CDK19: variants seen among roughly 807,000 people sequenced by gnomAD.
CDK19 encodes cyclin-dependent kinase 19.
A neutral mutation model predicts 68.3 loss-of-function variants in CDK19; 20 were observed. The ratio of observed to expected loss-of-function variants is 0.29; its 90% CI spans 0.21 to 0.43. The LOEUF (loss-of-function observed/expected upper bound fraction) is 0.43, where lower values mean the gene tolerates loss of function less well. Ranked by LOEUF, CDK19 falls within the 20% of genes least tolerant of loss-of-function variation. The probability of loss-of-function intolerance (pLI) is 1.00; values close to 1 mark genes in which losing one functional copy is unlikely to be tolerated. For missense variants in CDK19, 339 were observed against 623.5 expected, an observed-to-expected ratio of 0.54 and a Z score of 4.86; for synonymous variants, 221 against 222.8, an observed-to-expected ratio of 0.99 and a Z score of 0.07.
intron 1 of CDK19, 71 bp downstream of exon 1, chr6:110,814,938 C>A (rs1356120387): frequency 6.3e-7 from 1 of 1,587,000 alleles, no homozygotes; most frequent in African/African-American, 1.4e-5. Context: ...GGGATCCGAC[C>A]CACCCATCCC....
At chr6:110,694,722 A>G (rs753831487) in intron 2 of CDK19, among the ~76,000 whole-genome samples, 4 of 152,226 alleles carry the variant, frequency 2.6e-5, no homozygotes, top group Non-Finnish European at 4.4e-5. Context: ...AGCACATGGA[A>G]CATTCTCCAA....
intron 4 of CDK19, among the ~76,000 whole-genome samples, chr6:110,644,692 C>T (rs530121334): frequency 1.9e-4 from 29 of 152,162 alleles, no homozygotes; most frequent in African/African-American, 7.0e-4. Context: ...CACTTCTTGC[C>T]CCCGACCATG....
At position 110,711,361 on chromosome 6, in the gene CDK19, T is replaced by A. The variant is rs573528826; in HGVS notation, c.204+34765A>T. ...TAAAGAAGAGCTTGGCTTGACAATA[T>A]CCTTAGTAAATGAAGACATTATTTG... On this transcript the variant is annotated intron_variant, in intron 2 of 12. Transcript: ENST00000368911. Among the ~76,000 whole-genome samples, 11 of 152,338 alleles carry A rather than the reference T, an allele frequency of 7.2e-5. No homozygotes were observed. In the South Asian group the frequency reaches 1.9e-3, roughly 26 times the overall value.
intron 1 of CDK19, among the ~76,000 whole-genome samples, chr6:110,786,605 A>T (rs1377756563): frequency 6.6e-6 from 1 of 151,956 alleles, no homozygotes; most frequent in Non-Finnish European, 1.5e-5. Context: ...TACCGCGTGT[A>T]ATGAGCCTTA....
chr6:110,733,025 G>A lies in CDK19; in HGVS notation c.204+13101C>T, dbSNP rs1383363209. ...GGAGGTTGCAGTGAGCTGAGATGGCGCCACTGCACTCCAGCCTGGGCAACA... is the reference window on the plus strand; with the variant it reads ...GGAGGTTGCAGTGAGCTGAGATGGCACCACTGCACTCCAGCCTGGGCAACA... On this transcript the variant is annotated intron_variant, in intron 2 of 12. Transcript: ENST00000368911. 3.9e-5 allele frequency among the ~76,000 whole-genome samples: 6 copies of A among 151,974 alleles called. No individual in the cohort carries two copies. In the East Asian group the frequency reaches 7.8e-4, roughly 20 times the overall value.
intron 1 of CDK19, among the ~76,000 whole-genome samples, chr6:110,777,078 G>A (rs993818711): frequency 3.9e-5 from 6 of 152,032 alleles, no homozygotes; most frequent in African/African-American, 1.2e-4. Context: ...CATACAAACC[G>A]GCATCTATCT....
chr6:110,796,376 G>A (rs1562295434), intron 1 of CDK19, among the ~76,000 whole-genome samples: 1 of 152,006 alleles, frequency 6.6e-6, no homozygotes, highest in Non-Finnish European at 1.5e-5. Flanking sequence ...ATACAGGCTG[G>A]GAGTGGTGGC....
At chr6:110,637,665 T>C (rs2114750145) in intron 5 of CDK19, among the ~76,000 whole-genome samples, 1 of 152,340 alleles carries the variant, frequency 6.6e-6, no homozygotes, top group East Asian at 1.9e-4. Flanking sequence ...CAACTTTCAA[T>C]AAATATAATT....
intron 2 of CDK19, among the ~76,000 whole-genome samples, chr6:110,677,686 G>A (rs1771647763): frequency 6.6e-6 from 1 of 151,906 alleles, no homozygotes; most frequent in Non-Finnish European, 1.5e-5. Flanking sequence ...TGTTAGAAAA[G>A]GTACCACCCT....
In CDK19 at chr6:110,798,719, GA is replaced by G. The variant is rs200978378; in HGVS notation, c.128+16289del. On this transcript the variant is annotated intron_variant, in intron 1 of 12. Coordinates refer to ENST00000368911, the MANE Select transcript of CDK19 (RefSeq NM_015076.5). The stretch of plus-strand genomic sequence containing the variant: ...ATGAAGCAATAGTTTTGAATGCTGA[GA>G]AAAAAAAAAATTCTTAATATTTAAG... Among the ~76,000 whole-genome samples the G allele has an allele frequency of 1.8e-3, 257 of 140,238 alleles. 1 individual carries two copies. The highest frequency in any genetic ancestry group is 5.2e-3 in the African/African-American group (200 of 38,188). 92.0% of individuals were successfully genotyped at this position (140,238 alleles called of 152,430 possible).
At position 110,614,215 on chromosome 6, in the gene CDK19, ATG is replaced by A. The variant is rs1778167277; in HGVS notation, c.*318_*319del. 4 of 219,740 alleles carry A rather than the reference ATG, an allele frequency of 1.8e-5. No individual in the cohort carries two copies. Among genetic ancestry groups the A allele is most frequent in the African/African-American group, 8.9e-5 (4 of 44,696 alleles). The allele number at this position is 219,740 out of a possible 1,614,324, so 13.6% of individuals were successfully genotyped here. The stretch of plus-strand genomic sequence containing the variant: ...GATAAACCATAGTGATTGCTACAGC[ATG>A]AGAAAGGTGCACCAGGAAATCCTTC... On this transcript the variant is annotated 3_prime_UTR_variant, in exon 13 of 13. Coordinates refer to ENST00000368911, the MANE Select transcript of CDK19 (RefSeq NM_015076.5).
intron 10 of CDK19, 21 bp downstream of exon 10, chr6:110,622,794 C>A: frequency 6.8e-7 from 1 of 1,477,276 alleles, no homozygotes; most frequent in Non-Finnish European, 9.5e-7. Flanking sequence ...GCAAAGGACA[C>A]AGAAAAGACA....
At chr6:110,631,988 T>C (rs1484987816) in intron 6 of CDK19, 42 bp downstream of exon 6, 3 of 1,541,340 alleles carry the variant, frequency 1.9e-6, no homozygotes, top group African/African-American at 1.4e-5. Flanking sequence ...ATATTTATGA[T>C]CGTTAGATGA....
Position 110,694,597 on chromosome 6 carries a change from G to C in CDK19, c.205-24056C>G, listed in dbSNP as rs527286432. On this transcript the variant is annotated intron_variant, in intron 2 of 12. Coordinates refer to ENST00000368911, the MANE Select transcript of CDK19 (RefSeq NM_015076.5). ...ATACTCCACTGACAGCACTAGACAA[G>C]ACAGAAAGTCAACAAAGAAACAAGG... 2.0e-3 allele frequency among the ~76,000 whole-genome samples: 307 copies of C among 152,264 alleles called. 2 individuals are homozygous for C. The highest frequency in any genetic ancestry group is 4.0e-3 in the Non-Finnish European group (274 of 68,028).
chr6:110,645,809 C>T (rs1041815999), intron 4 of CDK19: 3 of 602,554 alleles, frequency 5.0e-6, no homozygotes, highest in Admixed American at 4.5e-5. Flanking sequence ...TATCTAGAGA[C>T]GGAGGGATGG....
At chr6:110,654,768 C>G (rs1461038947) in intron 4 of CDK19, among the ~76,000 whole-genome samples, 1 of 152,016 alleles carries the variant, frequency 6.6e-6, no homozygotes, top group African/African-American at 2.4e-5. Flanking sequence ...TGGAGAAAAC[C>G]CACCTCTACT....
chr6:110,740,583 G>A (rs1777582632), intron 2 of CDK19, among the ~76,000 whole-genome samples: 1 of 152,142 alleles, frequency 6.6e-6, no homozygotes, highest in Non-Finnish European at 1.5e-5. Context: ...CTTCTTCCAA[G>A]TTTATTCCAT....
intron 1 of CDK19, among the ~76,000 whole-genome samples, chr6:110,793,353 T>C (rs9784835): frequency 0.047 from 7,162 of 152,274 alleles, 174 homozygotes; most frequent in Middle Eastern, 0.079. Flanking sequence ...AATTTCTCTG[T>C]GGTGTTTTCC....
At chr6:110,776,668 A>C (rs1780421623) in intron 1 of CDK19, among the ~76,000 whole-genome samples, 1 of 152,202 alleles carries the variant, frequency 6.6e-6, no homozygotes, top group African/African-American at 2.4e-5. Context: ...ATTCCCAAAC[A>C]GCCTTCTAGA....
Sources: gnomAD v4.1 joint callset for allele counts (sites outside exome capture counted in the v4.1 genomes callset) on GRCh38, gnomAD v4.1.1 for gene constraint, MANE v1.5 for transcripts, NCBI Gene and HGNC (gene_info 2026-07-23, HGNC 2026-07-21) for gene names.